MAP7: variants seen among roughly 807,000 people sequenced by gnomAD.
MAP7 encodes ensconsin.
Under a neutral mutation model 94.8 loss-of-function variants are expected in MAP7, and 52 were observed. The ratio of observed to expected loss-of-function variants is 0.55; its 90% CI spans 0.44 to 0.69. The LOEUF (loss-of-function observed/expected upper bound fraction) is 0.69. Among genes scored for constraint, MAP7 ranks in the 30% least tolerant of loss-of-function variants. MAP7 has a pLI of 0.00. For missense variants in MAP7, 940 were observed against 964.6 expected, an observed-to-expected ratio of 0.97 and a Z score of 0.34; for synonymous variants, 350 against 357.0, an observed-to-expected ratio of 0.98 and a Z score of 0.22.
intron 15 of MAP7, among the ~76,000 whole-genome samples, chr6:136,357,168 T>C (rs1348906268): frequency 1.3e-5 from 2 of 152,172 alleles, no homozygotes; most frequent in African/African-American, 2.4e-5. Context: ...TGAATATCTT[T>C]ACAAAGGATT....
intron 1 of MAP7, among the ~76,000 whole-genome samples, chr6:136,456,512 T>A (rs1802901007): frequency 6.6e-6 from 1 of 151,458 alleles, no homozygotes; most frequent in Non-Finnish European, 1.5e-5. Flanking sequence ...TCTCTACAAA[T>A]AATAACAAAA....
intron 1 of MAP7, among the ~76,000 whole-genome samples, chr6:136,496,507 T>C (rs556395794): frequency 1.3e-5 from 2 of 152,176 alleles, no homozygotes; most frequent in East Asian, 3.9e-4. Flanking sequence ...ATCCTATCAA[T>C]TTTCATACAC....
chr6:136,438,661 T>C (rs1438232386), intron 1 of MAP7, among the ~76,000 whole-genome samples: 1 of 152,156 alleles, frequency 6.6e-6, no homozygotes, highest in Admixed American at 6.5e-5. Flanking sequence ...TGAGTTTTAC[T>C]ATTTCATAAT....
In MAP7 at chr6:136,481,916, T is replaced by A. The variant is rs570210637; in HGVS notation, c.68-60117A>T. 2.6e-5 allele frequency among the ~76,000 whole-genome samples: 4 copies of A among 152,318 alleles called. No homozygotes were observed. The East Asian group carries it at 5.8e-4, about 22-fold the overall frequency. ...ACTAGAGATCCACAACAAATTTTTTTAAAATTATTAACATTTGAAAAATCC... is the reference window on the plus strand; with the variant it reads ...ACTAGAGATCCACAACAAATTTTTTAAAAATTATTAACATTTGAAAAATCC... On this transcript the variant is annotated intron_variant, in intron 1 of 17. Coordinates refer to ENST00000354570, the MANE Select transcript of MAP7 (RefSeq NM_003980.6).
At chr6:136,393,562 ATC>A (rs1429806181) in intron 3 of MAP7, among the ~76,000 whole-genome samples, 9 of 152,190 alleles carry the variant, frequency 5.9e-5, no homozygotes, top group Non-Finnish European at 1.0e-4. Flanking sequence ...CAGAAGTGCC[ATC>A]TCTTCCAGAG....
chr6:136,350,142 T>TGCA (rs1259322715), intron 16 of MAP7, among the ~76,000 whole-genome samples: 1 of 152,178 alleles, frequency 6.6e-6, no homozygotes, highest in African/African-American at 2.4e-5. Flanking sequence ...CCACTATACT[T>TGCA]GCATGATCTG....
At chr6:136,522,794 G>A (rs1432704042) in intron 1 of MAP7, among the ~76,000 whole-genome samples, 1 of 152,222 alleles carries the variant, frequency 6.6e-6, no homozygotes, top group Non-Finnish European at 1.5e-5. Context: ...CCCTTTGGGA[G>A]GCCAAGGTGG....
chr6:136,447,517 A>G (rs1799704191), intron 1 of MAP7, among the ~76,000 whole-genome samples: 1 of 152,228 alleles, frequency 6.6e-6, no homozygotes, highest in Admixed American at 6.5e-5. Flanking sequence ...AAACACTTTT[A>G]GAACAATGGA....
At chr6:136,353,908 G>C (rs936248310) in intron 16 of MAP7, among the ~76,000 whole-genome samples, 19 of 152,080 alleles carry the variant, frequency 1.2e-4, no homozygotes, top group Non-Finnish European at 2.6e-4. Context: ...AACATCCAGG[G>C]ACTTGGTCAG....
chr6:136,390,028 C>T lies in MAP7; in HGVS notation c.245-511G>A, dbSNP rs188475004. Among the ~76,000 whole-genome samples, 10 of 152,178 alleles carry T rather than the reference C, an allele frequency of 6.6e-5. No homozygotes were observed. In the East Asian group the frequency reaches 1.5e-3, roughly 24 times the overall value. On this transcript the variant is annotated intron_variant, in intron 3 of 17. Transcript: ENST00000354570. ...GAGTCAGCTCAGGGATGGGAAGGAC[C>T]GAACAAGCAGGTGGCCTTGTGTCTG...
At chr6:136,351,540 T>TTATA in intron 16 of MAP7, among the ~76,000 whole-genome samples, 1 of 152,332 alleles carries the variant, frequency 6.6e-6, no homozygotes, top group Non-Finnish European at 1.5e-5. Context: ...ATTAAGTAGG[T>TTATA]TAACCCCACA....
At chr6:136,356,141 A>G (rs2128547418) in intron 16 of MAP7, among the ~76,000 whole-genome samples, 1 of 152,354 alleles carries the variant, frequency 6.6e-6, no homozygotes, top group African/African-American at 2.4e-5. Flanking sequence ...AAATATACAC[A>G]AAGAAAACTA....
intron 3 of MAP7, among the ~76,000 whole-genome samples, chr6:136,392,768 G>A (rs1405631006): frequency 6.6e-6 from 1 of 152,126 alleles, no homozygotes; most frequent in Non-Finnish European, 1.5e-5. Context: ...ATAGGCAGAA[G>A]AATCAGATGT....
chr6:136,477,082 ATACT>A (rs976199461), intron 1 of MAP7, among the ~76,000 whole-genome samples: 1 of 152,224 alleles, frequency 6.6e-6, no homozygotes, highest in Non-Finnish European at 1.5e-5. Context: ...TCCTCATAAG[ATACT>A]TACTAACTGA....
In MAP7 at chr6:136,407,721, A is replaced by G. The variant is rs202185879; in HGVS notation, c.244+3899T>C. Among the ~76,000 whole-genome samples the G allele has an allele frequency of 7.2e-5, 11 of 152,352 alleles. No homozygotes were observed. In the East Asian group the frequency reaches 1.5e-3, roughly 21 times the overall value. ...CCACTGGGTAGCTACAAGTGGCCCA[A>G]TATGCCAGGATGGAGACCAGTCAGT... On this transcript the variant is annotated intron_variant, in intron 3 of 17. Coordinates refer to ENST00000354570, the MANE Select transcript of MAP7 (RefSeq NM_003980.6).
chr6:136,514,882 T>C (rs1297388485), intron 1 of MAP7, among the ~76,000 whole-genome samples: 1 of 152,178 alleles, frequency 6.6e-6, no homozygotes, highest in African/African-American at 2.4e-5. Flanking sequence ...TCCAAGTCAA[T>C]GATTGCAATG....
At chr6:136,358,670 C>T (rs539791135) in intron 15 of MAP7, among the ~76,000 whole-genome samples, 1 of 152,146 alleles carries the variant, frequency 6.6e-6, no homozygotes, top group East Asian at 1.9e-4. Context: ...GATCTTTGAG[C>T]AAAAGGTATT....
intron 11 of MAP7, among the ~76,000 whole-genome samples, chr6:136,361,706 A>G (rs1345016702): frequency 6.6e-6 from 1 of 152,224 alleles, no homozygotes; most frequent in Non-Finnish European, 1.5e-5. Flanking sequence ...TTATATTGAC[A>G]TTCGTCTTAT....
chr6:136,452,744 G>C (rs1237299196), intron 1 of MAP7, among the ~76,000 whole-genome samples: 1 of 151,984 alleles, frequency 6.6e-6, no homozygotes, highest in African/African-American at 2.4e-5. Context: ...GTAGAGATAG[G>C]GTTTCACCAT....
Sources: allele counts gnomAD v4.1 joint callset (sites outside exome capture counted in the v4.1 genomes callset), GRCh38; gene constraint gnomAD v4.1.1; transcripts MANE v1.5; gene names NCBI Gene and HGNC (gene_info 2026-07-23, HGNC 2026-07-21).